UVSSA: variants seen among roughly 807,000 people sequenced by gnomAD.
The protein encoded by UVSSA is UV stimulated scaffold protein A, also known as UV-stimulated scaffold protein A.
A neutral mutation model predicts 73.9 loss-of-function variants in UVSSA; 72 were observed. The observed-to-expected ratio is 0.97, with a 90% confidence interval of 0.81 to 1.19. The LOEUF is 1.19. UVSSA is among the 50% of genes most tolerant of loss of function. The pLI is 0.00. For missense variants in UVSSA, 1,150 were observed against 965.0 expected (o/e 1.19, Z -2.54); for synonymous variants, 454 against 391.3 (o/e 1.16, Z -1.89).
At chr4:1,391,754 AGT>A (rs1720420091), downstream of UVSSA, 1 of 150,050 alleles carries the variant, frequency 6.7e-6, no homozygotes, top group South Asian at 2.1e-4. Context: ...GTGAATCTAA[AGT>A]GTGTTTCTTG....
intron 13 of UVSSA, 91 bp from the exon 14 acceptor site, chr4:1,385,777 G>C: frequency 7.4e-7 from 1 of 1,348,764 alleles, no homozygotes; most frequent in Admixed American, 1.7e-5. Flanking sequence ...GTTGCCCCAG[G>C]ACCAGTGCCT....
rs749135987 is a variant in UVSSA, at chr4:1,385,863, C to T, written c.2037-5C>T. On this transcript the variant is annotated splice_polypyrimidine_tract_variant and splice_region_variant and intron_variant, in intron 13 of 13. Coordinates refer to ENST00000389851, the MANE Select transcript of UVSSA (RefSeq NM_020894.4). ...CAGGTCACATCTTGCCTTGTTTCCC[C>T]ACAGGGCAGCTGTGCGGAGGGTAGT... is the stretch of plus-strand genomic sequence containing the variant. The T allele has an allele frequency of 6.2e-7, 1 of 1,613,986 alleles. No homozygotes were observed. Among genetic ancestry groups the T allele is most frequent in the South Asian group, 1.1e-5 (1 of 91,080 alleles).
At chr4:1,394,641 G>A (rs79298048) in exon 14 of UVSSA, 473,690 of 1,383,826 alleles carry the variant, frequency 0.34, 103,129 homozygotes, top group Non-Finnish European at 0.38. Flanking sequence ...CGGAGTGCCC[G>A]CCTGCTCACA....
At chr4:1,375,562 C>T (rs559656577) in intron 9 of UVSSA, 54 bp downstream of exon 9, 344 of 1,574,990 alleles carry the variant, frequency 2.2e-4, no homozygotes, top group Middle Eastern at 1.1e-3. Context: ...GCCACAGCCT[C>T]TGCCCAGAGC....
intron 7 of UVSSA, 66 bp downstream of exon 7, chr4:1,355,311 G>C: frequency 6.7e-7 from 1 of 1,482,666 alleles, no homozygotes; most frequent in Non-Finnish European, 9.2e-7. Context: ...GAAGCTGTGG[G>C]GGGGTTGTGC....
intron 9 of UVSSA, among the ~76,000 whole-genome samples, chr4:1,375,808 G>T (rs566945032): frequency 5.2e-4 from 79 of 152,262 alleles, no homozygotes; most frequent in Non-Finnish European, 9.8e-4. Context: ...GTCACCTCTG[G>T]GCCAGGGTGA....
Position 1,348,100 on chromosome 4 carries a change from G to A in UVSSA, c.9G>A (p.Gln3=). MD[Q]KLSKLVEELT... ...CTTACTTATTTCTAGATATGGATCA[G>A]AAACTTTCGAAGTTGGTAGAAGAGC... Residue 3 remains glutamine, a synonymous_variant, in exon 2 of 14, where the codon CAG becomes CAA. Transcript: ENST00000389851. 6.2e-7 allele frequency: 1 copy of A among 1,613,412 alleles called. No homozygotes were observed.
At chr4:1,344,491 C>T (rs1713540870), upstream of UVSSA, among the ~76,000 whole-genome samples, 1 of 152,022 alleles carries the variant, frequency 6.6e-6, no homozygotes, top group Non-Finnish European at 1.5e-5. Context: ...GCAGAGGTTG[C>T]AGTGAGCCGA....
chr4:1,355,786 C>CGCGAGGG (rs1289193557), intron 7 of UVSSA, among the ~76,000 whole-genome samples: 1 of 152,024 alleles, frequency 6.6e-6, no homozygotes, highest in Non-Finnish European at 1.5e-5. Context: ...GCAGGGCTGC[C>CGCGAGGG]GCGAGGGGCT....
At chr4:1,350,555 C>T (rs777875667) in intron 3 of UVSSA, among the ~76,000 whole-genome samples, 53 of 152,332 alleles carry the variant, frequency 3.5e-4, no homozygotes, top group African/African-American at 8.4e-4. Context: ...TGAGAAGTCT[C>T]GTCACCTCTT....
upstream of UVSSA, among the ~76,000 whole-genome samples, chr4:1,344,842 T>G (rs1713558694): frequency 6.6e-6 from 1 of 151,834 alleles, no homozygotes; most frequent in South Asian, 2.1e-4. Context: ...GGTGCAGAAG[T>G]ATTTGCTCAG....
rs536653057 is a variant in UVSSA, at chr4:1,351,973, G to C, written c.550+138G>C. On this transcript the variant is annotated intron_variant, in intron 4 of 13. Transcript: ENST00000389851. ...AGGCTAGGTGGAGAGGATTCAGGTC[G>C]GGCCGGAAGGCGTTCTTAGCCGTAG... 1.6e-4 allele frequency: 213 copies of C among 1,372,602 alleles called. No individual in the cohort carries two copies. In the African/African-American group the frequency reaches 2.7e-3, roughly 18 times the overall value. 85.0% of individuals were successfully genotyped at this position (1,372,602 alleles called of 1,614,324 possible). A position where few individuals can be genotyped will look rare whatever the true frequency, so the allele number is the denominator to read the frequency against.
At chr4:1,373,504 C>T (rs544008973) in intron 8 of UVSSA, among the ~76,000 whole-genome samples, 1 of 152,342 alleles carries the variant, frequency 6.6e-6, no homozygotes, top group African/African-American at 2.4e-5. Context: ...AAGATCAATA[C>T]TTTGTATCCT....
chr4:1,380,828 C>A, intron 11 of UVSSA, 52 bp from the exon 12 acceptor site: 1 of 1,595,076 alleles, frequency 6.3e-7, no homozygotes, highest in Non-Finnish European at 8.6e-7. Flanking sequence ...GGGAGGTGGT[C>A]AAGGCAAGCG....
chr4:1,375,282 GCGTCCTAA>G (rs1718619311), intron 8 of UVSSA, 74 bp from the exon 9 acceptor site: 1 of 1,578,082 alleles, frequency 6.3e-7, no homozygotes, highest in African/African-American at 1.3e-5. Context: ...ACGCATAGGC[GCGTCCTAA>G]CTGCCCGGTC....
intron 12 of UVSSA, among the ~76,000 whole-genome samples, chr4:1,381,403 C>T (rs1298202769): frequency 6.6e-6 from 1 of 152,226 alleles, no homozygotes; most frequent in Admixed American, 6.5e-5. Context: ...GCACCTGCCT[C>T]AGTGTGCAGG....
chr4:1,354,904 G>GGGGC (rs1553877122), intron 6 of UVSSA, 57 bp downstream of exon 6: 39 of 1,370,820 alleles, frequency 2.8e-5, no homozygotes, highest in Non-Finnish European at 3.6e-5. Flanking sequence ...TGCCATGCAT[G>GGGGC]GGGGGGGTCC....
intron 13 of UVSSA, 88 bp downstream of exon 13, chr4:1,384,028 C>T: frequency 6.9e-7 from 1 of 1,444,230 alleles, no homozygotes; most frequent in South Asian, 1.4e-5. Flanking sequence ...CAAGATATTC[C>T]AGGGACTTGG....
intron 10 of UVSSA, among the ~76,000 whole-genome samples, chr4:1,376,786 G>A (rs1318227660): frequency 1.3e-5 from 2 of 152,214 alleles, no homozygotes; most frequent in African/African-American, 4.8e-5. Flanking sequence ...GGCCTATCGG[G>A]GGAACAGGGC....
Sources: gnomAD v4.1 joint callset for allele counts (sites outside exome capture counted in the v4.1 genomes callset) on GRCh38, gnomAD v4.1.1 for gene constraint, MANE v1.5 for transcripts, NCBI Gene and HGNC (gene_info 2026-07-23, HGNC 2026-07-21) for gene names.